NBPF20: variants seen among roughly 807,000 people sequenced by gnomAD.
NBPF20 encodes NBPF family member NBPF20.
Under a neutral mutation model 68.1 loss-of-function variants are expected in NBPF20, and 90 were observed. The observed-to-expected ratio is 1.32, with a 90% CI of 1.11 to 1.58. The LOEUF (loss-of-function observed/expected upper bound fraction) is 1.58, where lower values mean the gene tolerates loss of function less well. Ranked by LOEUF, NBPF20 falls within the 40% of genes most tolerant of loss-of-function variation. NBPF20 has a pLI of 0.00. For synonymous variants in NBPF20, 290 were observed against 228.1 expected, an observed-to-expected ratio of 1.27 and a Z score of -2.45; for missense variants, 816 against 601.2, an observed-to-expected ratio of 1.36 and a Z score of -3.74.
At chr1:145,395,640 C>T (rs1207093052) in intron 7 of NBPF20, among the ~76,000 whole-genome samples, 2 of 149,924 alleles carry the variant, frequency 1.3e-5, no homozygotes, top group East Asian at 1.9e-4. Flanking sequence ...AGGAAAAAAG[C>T]ATGTATACAC....
At chr1:145,421,255 A>T in the NBPF20 span, among the ~76,000 whole-genome samples, 1 of 152,210 alleles carries the variant, frequency 6.6e-6, no homozygotes. Context: ...CTTCTTTGGA[A>T]TCGCATCTAC....
At chr1:145,410,401 G>A (rs1433800831), upstream of NBPF20, among the ~76,000 whole-genome samples, 2 of 148,144 alleles carry the variant, frequency 1.4e-5, no homozygotes, top group African/African-American at 5.0e-5. Flanking sequence ...TGCAAGCTCC[G>A]CCTCCCGGGT....
Position 145,292,208 on chromosome 1 carries a change from G to A in NBPF20, c.16697+173C>T, listed in dbSNP as rs192873227. Among the ~76,000 whole-genome samples, 207 of 149,572 alleles carry A rather than the reference G, an allele frequency of 1.4e-3. 3 individuals carry two copies. The highest frequency in any genetic ancestry group is 3.4e-3 in the Admixed American group (51 of 15,214). ...CTATGGCACGTTAGTAAAAGATAAGGGGAGGAAGAAATGGAAACCTAAACA... is the reference window on the plus strand; with the variant it reads ...CTATGGCACGTTAGTAAAAGATAAGAGGAGGAAGAAATGGAAACCTAAACA... On this transcript the variant is annotated intron_variant, in intron 137 of 137. Coordinates refer to ENST00000369373, the Ensembl canonical transcript of NBPF20.
At chr1:145,396,643 C>T in intron 7 of NBPF20, among the ~76,000 whole-genome samples, 1 of 151,482 alleles carries the variant, frequency 6.6e-6, no homozygotes, top group African/African-American at 2.4e-5. Context: ...ATCAGACTAG[C>T]AGCAGATCTC....
At chr1:145,410,759 T>C in the NBPF20 span, among the ~76,000 whole-genome samples, 10 of 140,798 alleles carry the variant, frequency 7.1e-5, no homozygotes, top group Non-Finnish European at 1.5e-4. Context: ...TACATATATA[T>C]ATATACGTAT....
upstream of NBPF20, among the ~76,000 whole-genome samples, chr1:145,407,483 AAC>A (rs1314798301): frequency 1.0e-4 from 15 of 147,378 alleles, no homozygotes; most frequent in African/African-American, 3.5e-4. Flanking sequence ...TATATATACA[AAC>A]ACATGAATAT....
chr1:145,402,714 T>A (rs1481709440), intron 3 of NBPF20, among the ~76,000 whole-genome samples: 2 of 148,810 alleles, frequency 1.3e-5, no homozygotes, highest in Non-Finnish European at 3.0e-5. Context: ...AAAATACACA[T>A]AGTGCATCTT....
chr1:145,405,147 A>C, exon 2 of NBPF20: 2 of 1,613,740 alleles, frequency 1.2e-6, no homozygotes, highest in South Asian at 1.1e-5. Context: ...GAGTTACAAA[A>C]CATCTCTCTT....
At position 145,404,877 on chromosome 1, in the gene NBPF20, G is replaced by A. The variant is rs868954461; in HGVS notation, c.175+221C>T. Reference sequence around the variant, plus strand: ...TGCCTGTGTTAGAAATCAATAAATGGCAGTTTAACTCTAGTCCCACCCCCA... The same window carrying A: ...TGCCTGTGTTAGAAATCAATAAATGACAGTTTAACTCTAGTCCCACCCCCA... On this transcript the variant is annotated intron_variant, in intron 2 of 137. Transcript: ENST00000369373. 2.1e-5 allele frequency among the ~76,000 whole-genome samples: 3 copies of A among 145,220 alleles called. 1 individual carries two copies. The highest frequency in any genetic ancestry group is 2.0e-4 in the Admixed American group (3 of 14,926).
chr1:145,394,916 G>A, intron 8 of NBPF20, 62 bp downstream of exon 13: 1 of 1,592,438 alleles, frequency 6.3e-7, no homozygotes. Flanking sequence ...AAGGCCCAAA[G>A]ATTATGGGGT....
exon 138 of NBPF20, chr1:145,291,448 C>A (rs1347040370): frequency 8.1e-6 from 13 of 1,611,662 alleles, no homozygotes; most frequent in Non-Finnish European, 1.1e-5. Flanking sequence ...CCAAATGGAA[C>A]TGTACTTTCA....
chr1:145,298,280 G>C, intron 129 of NBPF20, 146 bp from the exon 135 acceptor site: 1 of 446,926 alleles, frequency 2.2e-6, no homozygotes, highest in East Asian at 3.8e-5. Flanking sequence ...TTGCCTTCAT[G>C]TTGGGACAGA....
upstream of NBPF20, among the ~76,000 whole-genome samples, chr1:145,408,509 T>C (rs1285281827): frequency 3.1e-4 from 47 of 152,076 alleles, 2 homozygotes; most frequent in Admixed American, 3.0e-3. Flanking sequence ...TACTACTGTT[T>C]TAAAATTACT....
the NBPF20 span, among the ~76,000 whole-genome samples, chr1:145,425,327 C>A: frequency 6.6e-6 from 1 of 151,808 alleles, no homozygotes; most frequent in Non-Finnish European, 1.5e-5. Context: ...ACTCACCGCC[C>A]GCCCGGCCTG....
intron 136 of NBPF20, 26 bp from the exon 142 acceptor site, chr1:145,292,515 A>C: frequency 1.4e-6 from 1 of 697,446 alleles, no homozygotes; most frequent in Non-Finnish European, 2.5e-6. Flanking sequence ...ACATGGACAG[A>C]CACATTAAGC....
chr1:145,292,298 C>G (rs1661171313), intron 137 of NBPF20, 83 bp downstream of exon 142: 6 of 615,568 alleles, frequency 9.7e-6, no homozygotes, highest in South Asian at 3.8e-5. Flanking sequence ...GAAAACATGA[C>G]ATCAAACACA....
At chr1:145,403,088 G>A (rs1353935640) in intron 3 of NBPF20, 128 bp downstream of exon 8, 4 of 979,222 alleles carry the variant, frequency 4.1e-6, no homozygotes, top group African/African-American at 1.6e-5. Context: ...TTTATGTGTA[G>A]CGAGCCTGCC....
At chr1:145,334,890 G>A (rs1301302450) in intron 83 of NBPF20, among the ~76,000 whole-genome samples, 9 of 136,336 alleles carry the variant, frequency 6.6e-5, no homozygotes, top group Non-Finnish European at 1.5e-4. Flanking sequence ...TTGGCCGGGT[G>A]ACACACTGAT....
exon 138 of NBPF20, chr1:145,291,352 T>A (rs1661064904): frequency 2.1e-6 from 3 of 1,396,230 alleles, no homozygotes; most frequent in Non-Finnish European, 2.0e-6. Flanking sequence ...GGGTCCATTG[T>A]CTTCAGACTG....
Sources: allele counts gnomAD v4.1 joint callset (sites outside exome capture counted in the v4.1 genomes callset), GRCh38; gene constraint gnomAD v4.1.1; transcripts MANE v1.5; gene names NCBI Gene and HGNC (gene_info 2026-07-23, HGNC 2026-07-21).